The following CFTR variants were observed in gnomAD, a reference collection of about 807,000 sequenced individuals.
CFTR encodes cystic fibrosis transmembrane conductance regulator.
In CFTR, 181 loss-of-function variants were observed where a neutral mutation model predicts 171.6. The ratio of observed to expected loss-of-function variants is 1.05; its 90% CI spans 0.93 to 1.19. The LOEUF (loss-of-function observed/expected upper bound fraction) is 1.19. CFTR is among the 50% of genes most tolerant of loss of function. The pLI, the probability that CFTR is intolerant of heterozygous loss-of-function variation, is 0.00. For missense variants in CFTR, 1,968 were observed against 1,734.7 expected (o/e 1.13, Z -2.39); for synonymous variants, 583 against 608.0 (o/e 0.96, Z 0.60).
At chr7:117,573,227 T>G (rs567679648) in intron 11 of CFTR, among the ~76,000 whole-genome samples, 30 of 152,164 alleles carry the variant, frequency 2.0e-4, no homozygotes, top group Non-Finnish European at 2.6e-4. Flanking sequence ...TTATAAACAT[T>G]TATGTGAAAA....
In CFTR at chr7:117,614,694, G is replaced by C. The variant is rs1792458131; in HGVS notation, c.3449G>C (p.Ser1150Thr). 2 of 1,610,946 alleles carry C rather than the reference G, an allele frequency of 1.2e-6. No homozygotes were observed. The highest frequency in any genetic ancestry group is 1.1e-5 in the South Asian group (1 of 91,036). Residue 1150 changes from serine to threonine, a missense_variant, in exon 21 of 27, where the codon AGC becomes ACC. Ser to Thr is a moderately conservative substitution (Grantham distance 58). Transcript: ENST00000003084. ...ACATTGCAGTGGGCTGTAAACTCCA[G>C]CATAGATGTGGATAGCTTGGTAAGT... ...MSTLQWAVNS[S>T]IDVDSLMRSV... is the part of the protein sequence containing the mutation.
At chr7:117,663,956 T>TA (rs933786964) in intron 24 of CFTR, among the ~76,000 whole-genome samples, 26 of 150,810 alleles carry the variant, frequency 1.7e-4, no homozygotes, top group Admixed American at 9.3e-4. Flanking sequence ...TGTCTAGCTT[T>TA]AAAAAAAAAG....
chr7:117,574,738 A>G lies in CFTR; in HGVS notation c.1585-13001A>G, dbSNP rs993429362. ...AATCGCTATTATGAATTTGACATGT[A>G]CTATTCCAATCCATTCCCATAAATT... On this transcript the variant is annotated intron_variant, in intron 11 of 26. Transcript: ENST00000003084. 2.0e-5 allele frequency among the ~76,000 whole-genome samples: 3 copies of G among 152,146 alleles called. 1 individual carries two copies. The highest frequency in any genetic ancestry group is 4.4e-5 in the Non-Finnish European group (3 of 68,000).
At chr7:117,572,589 TTCTC>T (rs1278090443) in intron 11 of CFTR, among the ~76,000 whole-genome samples, 1 of 152,034 alleles carries the variant, frequency 6.6e-6, no homozygotes, top group Non-Finnish European at 1.5e-5. Context: ...TGTTACTTCA[TTCTC>T]TCTCTCTTTA....
chr7:117,533,257 A>G (rs1019611712), intron 4 of CFTR, among the ~76,000 whole-genome samples: 4 of 152,082 alleles, frequency 2.6e-5, no homozygotes, highest in Non-Finnish European at 5.9e-5. Flanking sequence ...TTTTGGAATT[A>G]ACTGCCTTGA....
chr7:117,600,921 AAAT>A (rs1465186637), intron 15 of CFTR, among the ~76,000 whole-genome samples: 2 of 152,056 alleles, frequency 1.3e-5, no homozygotes, highest in Non-Finnish European at 2.9e-5. Context: ...AAGTCCTTGA[AAAT>A]ATTTTGTTCT....
intron 24 of CFTR, among the ~76,000 whole-genome samples, chr7:117,655,403 A>G (rs1584844119): frequency 6.6e-6 from 1 of 152,134 alleles, no homozygotes; most frequent in East Asian, 1.9e-4. Context: ...CTTTTCCTCC[A>G]TTGTCCAATA....
Position 117,592,041 on chromosome 7 carries a change from ATTT to A in CFTR, c.1877_1879del (p.Phe626del). 1 of 1,605,332 alleles carries A rather than the reference ATTT, an allele frequency of 6.2e-7. No homozygotes were observed. The highest frequency in any genetic ancestry group is 8.5e-7 in the Non-Finnish European group (1 of 1,176,690). On this transcript the variant is annotated inframe_deletion, in exon 14 of 27. Transcript: ENST00000003084. ...TTAATTTTGCATGAAGGTAGCAGCT[ATTT>A]TTATGGGACATTTTCAGAACTCCAA... is the stretch of plus-strand genomic sequence containing the variant.
intron 20 of CFTR, among the ~76,000 whole-genome samples, chr7:117,612,711 C>T (rs1053910639): frequency 2.6e-5 from 4 of 152,206 alleles, no homozygotes; most frequent in African/African-American, 9.6e-5. Context: ...CATGGAACAC[C>T]GAGAAGGTGG....
intron 22 of CFTR, among the ~76,000 whole-genome samples, chr7:117,635,373 A>T (rs978034469): frequency 6.6e-6 from 1 of 151,986 alleles, no homozygotes; most frequent in African/African-American, 2.4e-5. Flanking sequence ...AATAGTTCAG[A>T]GTTGTTTTTC....
intron 3 of CFTR, among the ~76,000 whole-genome samples, chr7:117,529,927 G>A (rs1458199887): frequency 6.6e-6 from 1 of 151,950 alleles, no homozygotes; most frequent in Non-Finnish European, 1.5e-5. Flanking sequence ...TTACTAAATC[G>A]TTATAAAACA....
chr7:117,637,972 C>CA (rs1342494365), intron 22 of CFTR, among the ~76,000 whole-genome samples: 1 of 152,118 alleles, frequency 6.6e-6, no homozygotes, highest in Non-Finnish European at 1.5e-5. Flanking sequence ...ATCCTATAGG[C>CA]AAAATTCATA....
chr7:117,521,648 A>T (rs1798688134), intron 3 of CFTR, among the ~76,000 whole-genome samples: 1 of 152,192 alleles, frequency 6.6e-6, no homozygotes, highest in Non-Finnish European at 1.5e-5. Context: ...AAAAGAAGTT[A>T]AAATGATAAT....
chr7:117,590,988 A>C (rs2116027443), intron 13 of CFTR, among the ~76,000 whole-genome samples: 1 of 152,196 alleles, frequency 6.6e-6, no homozygotes, highest in South Asian at 2.1e-4. Flanking sequence ...CTAGACAGAC[A>C]GACAGTCAGT....
chr7:117,558,244 G>C lies in CFTR; in HGVS notation c.1393-1220G>C, dbSNP rs140935240. On this transcript the variant is annotated intron_variant, in intron 10 of 26. Coordinates refer to ENST00000003084, the MANE Select transcript of CFTR (RefSeq NM_000492.4). The stretch of plus-strand genomic sequence containing the variant: ...AAAAGTCTATATTTGTTTTCCAGTG[G>C]CTATACTTAATACTAATAACTTTAT... Among the ~76,000 whole-genome samples the C allele has an allele frequency of 3.2e-3, 481 of 151,976 alleles. 5 individuals carry two copies. Among genetic ancestry groups the C allele is most frequent in the African/African-American group, 0.011 (453 of 41,434 alleles).
At chr7:117,541,479 C>T (rs1362361132) in intron 8 of CFTR, among the ~76,000 whole-genome samples, 1 of 152,162 alleles carries the variant, frequency 6.6e-6, no homozygotes, top group Non-Finnish European at 1.5e-5. Context: ...CTTCCTTATG[C>T]TCCTACCTTC....
intron 3 of CFTR, among the ~76,000 whole-genome samples, chr7:117,517,259 C>T (rs527242459): frequency 6.6e-6 from 1 of 152,142 alleles, no homozygotes; most frequent in Admixed American, 6.6e-5. Flanking sequence ...TCCCTGTGTC[C>T]ATGTGTTCTC....
chr7:117,657,050 C>T (rs1793195259), intron 24 of CFTR, among the ~76,000 whole-genome samples: 1 of 152,144 alleles, frequency 6.6e-6, no homozygotes, highest in African/African-American at 2.4e-5. Flanking sequence ...GCAAGTGACA[C>T]ATTTTAAGAT....
intron 26 of CFTR, 55 bp downstream of exon 26, chr7:117,665,619 A>G: frequency 9.2e-7 from 1 of 1,088,306 alleles, no homozygotes; most frequent in Non-Finnish European, 1.4e-6. Context: ...TCTTGATAAC[A>G]ATCTCACATG....
Sources: gnomAD v4.1 joint callset for allele counts (sites outside exome capture counted in the v4.1 genomes callset) on GRCh38, gnomAD v4.1.1 for gene constraint, MANE v1.5 for transcripts, NCBI Gene and HGNC (gene_info 2026-07-23, HGNC 2026-07-21) for gene names.